RGMA: variants seen among roughly 807,000 people sequenced by gnomAD.
RGMA encodes the protein repulsive guidance molecule A.
RGMA carries 10 observed loss-of-function variants against 23.2 expected under a neutral mutation model. The observed-to-expected ratio is 0.43, with a 90% CI of 0.27 to 0.73. The LOEUF is 0.73. RGMA is among the 30% of genes least tolerant of loss of function. The probability of loss-of-function intolerance (pLI) is 0.20; values close to 1 mark genes in which losing one functional copy is unlikely to be tolerated. For synonymous variants in RGMA, 308 were observed against 279.3 expected (o/e 1.10, Z -1.03); for missense variants, 547 against 630.5 (o/e 0.87, Z 1.42).
At chr15:93,058,144 A>G (rs982768475) in intron 2 of RGMA, among the ~76,000 whole-genome samples, 1 of 152,192 alleles carries the variant, frequency 6.6e-6, no homozygotes, top group Admixed American at 6.5e-5. Flanking sequence ...ATCCTATATG[A>G]GAAAGAAAAA....
At chr15:93,073,144 G>A (rs910936193) in intron 1 of RGMA, 113 bp from the exon 2 acceptor site, 32 of 1,260,222 alleles carry the variant, frequency 2.5e-5, no homozygotes, top group Non-Finnish European at 3.2e-5. Context: ...CCTCGGCCGC[G>A]GGCGCCCGGC....
chr15:93,069,963 T>C (rs1324756179), intron 2 of RGMA, among the ~76,000 whole-genome samples: 1 of 152,272 alleles, frequency 6.6e-6, no homozygotes, highest in Non-Finnish European at 1.5e-5. Flanking sequence ...ATGCCATTTG[T>C]GGAATGCTCT....
intron 2 of RGMA, among the ~76,000 whole-genome samples, chr15:93,059,949 A>G (rs11074132): frequency 0.55 from 82,958 of 152,032 alleles, 23,047 homozygotes; most frequent in East Asian, 0.82. Flanking sequence ...TCTTACAGCA[A>G]CTCCTGCAAG....
intron 1 of RGMA, among the ~76,000 whole-genome samples, chr15:93,085,594 T>C (rs1241099371): frequency 6.6e-6 from 1 of 152,250 alleles, no homozygotes; most frequent in East Asian, 1.9e-4. Flanking sequence ...AATCTGGATA[T>C]AATCATTTCG....
chr15:93,048,379 G>A lies in RGMA; in HGVS notation c.646-2674C>T, dbSNP rs148356081. Among the ~76,000 whole-genome samples the A allele has an allele frequency of 7.2e-5, 11 of 152,276 alleles. No homozygotes were observed. The East Asian group carries it at 1.7e-3, about 24-fold the overall frequency. On this transcript the variant is annotated intron_variant, in intron 3 of 3. Transcript: ENST00000329082. ...CTGCTGGAGGACTTTACAAGAAATG[G>A]CGGTCTTCTCATGAGCCCGTTCATC...
At chr15:93,057,577 C>A (rs544655553) in intron 2 of RGMA, among the ~76,000 whole-genome samples, 4 of 152,262 alleles carry the variant, frequency 2.6e-5, no homozygotes, top group African/African-American at 9.6e-5. Context: ...GTTGCTTAAG[C>A]CTCCTAGGCT....
At chr15:93,066,274 C>T (rs776948740) in intron 2 of RGMA, 1 of 1,081,426 alleles carries the variant, frequency 9.2e-7, no homozygotes, top group Admixed American at 1.7e-5. Context: ...TGAACAAAGA[C>T]ATCTTCCTTG....
intron 2 of RGMA, among the ~76,000 whole-genome samples, chr15:93,063,506 T>C (rs1169015307): frequency 6.6e-6 from 1 of 152,248 alleles, no homozygotes. Flanking sequence ...GGCTGCCTGT[T>C]TGTGTCACTC....
intron 2 of RGMA, among the ~76,000 whole-genome samples, chr15:93,055,937 G>A (rs1026486247): frequency 3.9e-5 from 6 of 152,226 alleles, no homozygotes; most frequent in African/African-American, 1.4e-4. Context: ...GAACTCTGGG[G>A]TATGTGGGCA....
intron 3 of RGMA, among the ~76,000 whole-genome samples, chr15:93,047,156 G>A (rs1012222987): frequency 6.6e-6 from 1 of 152,224 alleles, no homozygotes; most frequent in African/African-American, 2.4e-5. Flanking sequence ...CATAGGGTGG[G>A]AGGCCTGAGA....
At chr15:93,083,074 A>AG (rs1895583832) in intron 1 of RGMA, among the ~76,000 whole-genome samples, 1 of 152,228 alleles carries the variant, frequency 6.6e-6, no homozygotes, top group Non-Finnish European at 1.5e-5. Context: ...CGAGGCTCAG[A>AG]GGGCCAGTAT....
intron 3 of RGMA, among the ~76,000 whole-genome samples, chr15:93,048,215 GGAT>G (rs954801810): frequency 1.3e-5 from 2 of 152,200 alleles, no homozygotes; most frequent in African/African-American, 4.8e-5. Context: ...TAAGATTTCG[GGAT>G]GATGAGGTGG....
chr15:93,048,642 G>A (rs950157463), intron 3 of RGMA, among the ~76,000 whole-genome samples: 1 of 152,166 alleles, frequency 6.6e-6, no homozygotes, highest in African/African-American at 2.4e-5. Context: ...CATCCAGCAT[G>A]GAGCCCTAAG....
intron 2 of RGMA, among the ~76,000 whole-genome samples, chr15:93,058,067 T>C (rs11632082): frequency 0.24 from 36,429 of 152,232 alleles, 5,361 homozygotes; most frequent in African/African-American, 0.41. Context: ...CTCTGGGTCC[T>C]GAAGCACAAT....
chr15:93,084,961 C>T (rs1456901686), intron 1 of RGMA, among the ~76,000 whole-genome samples: 1 of 152,046 alleles, frequency 6.6e-6, no homozygotes, highest in East Asian at 1.9e-4. Flanking sequence ...TTGCATGCTT[C>T]CACCTAATCT....
chr15:93,054,028 G>A (rs574001904), intron 2 of RGMA, among the ~76,000 whole-genome samples: 5 of 152,058 alleles, frequency 3.3e-5, no homozygotes, highest in African/African-American at 9.7e-5. Context: ...TCTGGAGCTC[G>A]AGACCAGCCT....
chr15:93,077,963 C>T lies in RGMA; in HGVS notation c.15-4932G>A, dbSNP rs919486512. On this transcript the variant is annotated intron_variant, in intron 1 of 3. Transcript: ENST00000329082. ...GCTCAAGTGATCTGCCTGTCTCTGC[C>T]GCACAAAGTGCCGGGATTATAGGTA... Among the ~76,000 whole-genome samples, 4 of 152,336 alleles carry T rather than the reference C, an allele frequency of 2.6e-5. No homozygotes were observed. In the East Asian group the frequency reaches 5.8e-4, roughly 22 times the overall value.
At chr15:93,066,447 CG>C (rs1895154682) in intron 2 of RGMA, 1 of 593,182 alleles carries the variant, frequency 1.7e-6, no homozygotes, top group Non-Finnish European at 3.2e-6. Context: ...GGGCTGCCGC[CG>C]GGTTGCCACG....
chr15:93,073,420 A>G, intron 1 of RGMA: 1 of 758,922 alleles, frequency 1.3e-6, no homozygotes, highest in Non-Finnish European at 2.0e-6. Flanking sequence ...CGCCATCTCC[A>G]GCCCGCGGCT....
Sources: allele counts gnomAD v4.1 joint callset (sites outside exome capture counted in the v4.1 genomes callset), GRCh38; gene constraint gnomAD v4.1.1; transcripts MANE v1.5; gene names NCBI Gene and HGNC (gene_info 2026-07-23, HGNC 2026-07-21).